Variants in CTNNA2 observed in about 807,000 individuals in gnomAD.
CTNNA2 encodes the protein catenin alpha-2.
In CTNNA2, 42 loss-of-function variants were observed where a neutral mutation model predicts 101.0. That is an observed-to-expected ratio of 0.42 (90% confidence interval 0.32 to 0.54). The LOEUF (loss-of-function observed/expected upper bound fraction) is 0.54. Ranked by LOEUF, CTNNA2 falls within the 20% of genes least tolerant of loss-of-function variation. The probability of loss-of-function intolerance (pLI) is 0.14; values close to 1 mark genes in which losing one functional copy is unlikely to be tolerated. For synonymous variants in CTNNA2, 450 were observed against 456.4 expected (o/e 0.99, Z 0.18); for missense variants, 871 against 1,223.1 (o/e 0.71, Z 4.29).
At chr2:79,925,096 A>G (rs1686937501) in intron 7 of CTNNA2, among the ~76,000 whole-genome samples, 2 of 152,038 alleles carry the variant, frequency 1.3e-5, no homozygotes, top group Non-Finnish European at 2.9e-5. Context: ...AATTTTAAGT[A>G]TCTCTCCCAG....
At chr2:80,627,475 G>T (rs926885701) in intron 18 of CTNNA2, among the ~76,000 whole-genome samples, 1 of 152,158 alleles carries the variant, frequency 6.6e-6, no homozygotes, top group Non-Finnish European at 1.5e-5. Flanking sequence ...CAGTGATGAT[G>T]AGCATTATTT....
intron 7 of CTNNA2, among the ~76,000 whole-genome samples, chr2:80,173,403 G>A (rs1705194375): frequency 6.6e-6 from 1 of 152,350 alleles, no homozygotes; most frequent in African/African-American, 2.4e-5. Context: ...GACTGTATCA[G>A]TCAGAATCCA....
chr2:79,703,327 T>G (rs1685134710), intron 2 of CTNNA2, among the ~76,000 whole-genome samples: 1 of 152,182 alleles, frequency 6.6e-6, no homozygotes, highest in Non-Finnish European at 1.5e-5. Flanking sequence ...CTTAGTTGTT[T>G]TTTTTCCCCA....
chr2:79,242,985 T>TAC (rs1345425334), intron 2 of CTNNA2, among the ~76,000 whole-genome samples: 15 of 50,386 alleles, frequency 3.0e-4, no homozygotes, highest in Admixed American at 9.0e-4. Context: ...TATATATATA[T>TAC]ATATATATAC....
At chr2:79,293,252 G>T (rs979705381) in intron 2 of CTNNA2, 3 of 152,120 alleles carry the variant, frequency 2.0e-5, no homozygotes, top group Admixed American at 2.0e-4. Context: ...CCTAGAAGAT[G>T]TGCAGAATAT....
intron 7 of CTNNA2, among the ~76,000 whole-genome samples, chr2:80,146,115 A>G (rs183307583): frequency 6.6e-6 from 1 of 152,272 alleles, no homozygotes; most frequent in African/African-American, 2.4e-5. Flanking sequence ...GCAGAGGAGC[A>G]CTGAGGTGCT....
chr2:79,902,666 G>T (rs187542652), intron 6 of CTNNA2, among the ~76,000 whole-genome samples: 12 of 147,100 alleles, frequency 8.2e-5, no homozygotes, highest in Admixed American at 6.2e-4. Flanking sequence ...TGGCTCTGTC[G>T]CCCAGGCTGG....
intron 2 of CTNNA2, among the ~76,000 whole-genome samples, chr2:79,717,559 C>T (rs772315884): frequency 1.3e-4 from 20 of 152,166 alleles, no homozygotes; most frequent in African/African-American, 3.4e-4. Context: ...GAGCTTGACC[C>T]GATCATTCCT....
intron 1 of CTNNA2, among the ~76,000 whole-genome samples, chr2:79,543,553 A>G (rs915305640): frequency 2.0e-5 from 3 of 152,134 alleles, no homozygotes; most frequent in Admixed American, 6.6e-5. Context: ...ATGGTTTTCA[A>G]TCTGACAACT....
At chr2:79,492,576 A>C (rs954013419) in intron 4 of CTNNA2, among the ~76,000 whole-genome samples, 4 of 152,156 alleles carry the variant, frequency 2.6e-5, no homozygotes, top group African/African-American at 9.6e-5. Flanking sequence ...AAAGATTAAG[A>C]AAGCACAAGG....
chr2:79,870,421 G>A (rs114063724), intron 5 of CTNNA2, among the ~76,000 whole-genome samples: 2,610 of 151,786 alleles, frequency 0.017, 62 homozygotes, highest in African/African-American at 0.059. Context: ...AGGAAATGCA[G>A]GGGTGGGGGA....
chr2:80,468,769 A>G (rs79144781), intron 9 of CTNNA2, among the ~76,000 whole-genome samples: 4,540 of 152,244 alleles, frequency 0.03, 210 homozygotes, highest in African/African-American at 0.098. Context: ...AGAATTCAAT[A>G]TCACATTGAG....
chr2:79,845,492 T>C (rs1680164193), intron 3 of CTNNA2, among the ~76,000 whole-genome samples: 1 of 152,224 alleles, frequency 6.6e-6, no homozygotes, highest in Non-Finnish European at 1.5e-5. Context: ...AAGATGTCAC[T>C]GCTATCCAAA....
At chr2:79,871,648 G>A (rs771706507) in intron 5 of CTNNA2, among the ~76,000 whole-genome samples, 2 of 152,144 alleles carry the variant, frequency 1.3e-5, no homozygotes, top group Middle Eastern at 3.4e-3. Context: ...TAATTCACTG[G>A]CTCACATGCC....
intron 9 of CTNNA2, among the ~76,000 whole-genome samples, chr2:80,523,807 G>A (rs1048644965): frequency 5.3e-5 from 8 of 152,166 alleles, no homozygotes; most frequent in African/African-American, 1.9e-4. Flanking sequence ...AGAGGACAAC[G>A]TTTTAATATA....
Position 80,419,452 on chromosome 2 carries a change from C to T in CTNNA2, c.1141C>T (p.Arg381Trp), listed in dbSNP as rs766627834. The change falls in exon 9 of 19, where the codon CGG becomes TGG. Residue 381 changes from arginine to tryptophan, a missense_variant. Arg to Trp is a moderately radical substitution (Grantham distance 101, BLOSUM62 -3). Coordinates refer to ENST00000402739, the MANE Select transcript of CTNNA2 (RefSeq NM_001282597.3). The stretch of plus-strand genomic sequence containing the variant: ...TTTGTTTTTGTTTCAACTGTAGCTT[C>T]GGAAAGCAGTGATGGATCACATATC... ...KKTRDLRRQL[R>W]KAVMDHISDS... 4 of 1,598,246 alleles carry T rather than the reference C, an allele frequency of 2.5e-6. No individual in the cohort carries two copies. Among genetic ancestry groups the T allele is most frequent in the South Asian group, 1.1e-5 (1 of 88,812 alleles).
intron 7 of CTNNA2, among the ~76,000 whole-genome samples, chr2:79,991,059 C>A (rs191676829): frequency 6.6e-6 from 1 of 152,094 alleles, no homozygotes; most frequent in South Asian, 2.1e-4. Flanking sequence ...AGTTTATTTG[C>A]GTATAGGTGT....
At chr2:79,686,506 G>T (rs1004018158) in intron 2 of CTNNA2, among the ~76,000 whole-genome samples, 1 of 151,964 alleles carries the variant, frequency 6.6e-6, no homozygotes, top group Non-Finnish European at 1.5e-5. Context: ...ACTCTATTTC[G>T]TACTCATTGA....
chr2:79,572,147 A>G (rs552285466), intron 1 of CTNNA2, among the ~76,000 whole-genome samples: 1 of 152,238 alleles, frequency 6.6e-6, no homozygotes, highest in Admixed American at 6.5e-5. Context: ...ATGAGATGGC[A>G]TGATAAAGCA....
Sources: gnomAD v4.1 joint callset for allele counts (sites outside exome capture counted in the v4.1 genomes callset) on GRCh38, gnomAD v4.1.1 for gene constraint, MANE v1.5 for transcripts, NCBI Gene and HGNC (gene_info 2026-07-23, HGNC 2026-07-21) for gene names.